The following PDE1A variants were observed in gnomAD, a reference collection of about 807,000 sequenced individuals.
The protein encoded by PDE1A is phosphodiesterase 1A.
Under a neutral mutation model 61.7 loss-of-function variants are expected in PDE1A, and 35 were observed. The observed-to-expected ratio is 0.57, with a 90% confidence interval of 0.43 to 0.75. PDE1A has a LOEUF of 0.75. Ranked by LOEUF, PDE1A falls within the 30% of genes least tolerant of loss-of-function variation. The pLI, the probability that PDE1A is intolerant of heterozygous loss-of-function variation, is 0.00. For synonymous variants in PDE1A, 232 were observed against 213.2 expected, an observed-to-expected ratio of 1.09 and a Z score of -0.77; for missense variants, 597 against 630.6, an observed-to-expected ratio of 0.95 and a Z score of 0.57.
At chr2:182,427,774 T>C (rs1248120435), upstream of PDE1A, among the ~76,000 whole-genome samples, 2 of 152,200 alleles carry the variant, frequency 1.3e-5, no homozygotes, top group East Asian at 1.9e-4. Context: ...CCTTCCTGTA[T>C]CTGAATCACT....
the PDE1A span, among the ~76,000 whole-genome samples, chr2:182,672,257 A>T: frequency 1.3e-5 from 2 of 152,204 alleles, no homozygotes; most frequent in African/African-American, 4.8e-5. Context: ...TATTACTATC[A>T]ATTTGTTAAT....
chr2:182,309,006 G>A (rs1327426744), intron 1 of PDE1A, among the ~76,000 whole-genome samples: 2 of 148,130 alleles, frequency 1.4e-5, no homozygotes, highest in Non-Finnish European at 3.0e-5. Context: ...GTAAGGTTAT[G>A]AAATAGCATT....
the PDE1A span, among the ~76,000 whole-genome samples, chr2:182,700,495 G>A: frequency 2.0e-5 from 3 of 151,800 alleles, no homozygotes; most frequent in African/African-American, 4.8e-5. Context: ...AGGCTGAGGC[G>A]GGTGGCTCAC....
At chr2:182,254,720 A>G (rs1191133699) in intron 2 of PDE1A, among the ~76,000 whole-genome samples, 1 of 152,156 alleles carries the variant, frequency 6.6e-6, no homozygotes, top group African/African-American at 2.4e-5. Context: ...TGAACTGCCA[A>G]TCAAGGGCTT....
At chr2:182,513,590 A>G (rs1055290699) in intron 2 of PDE1A, among the ~76,000 whole-genome samples, 1 of 152,224 alleles carries the variant, frequency 6.6e-6, no homozygotes, top group South Asian at 2.1e-4. Flanking sequence ...AAATCTTCAC[A>G]TATCGATGTT....
the PDE1A span, among the ~76,000 whole-genome samples, chr2:182,680,744 T>C: frequency 6.6e-6 from 1 of 152,184 alleles, no homozygotes; most frequent in Non-Finnish European, 1.5e-5. Flanking sequence ...TTTCTTGGCT[T>C]CACCCAGGAA....
At chr2:182,654,511 G>T in the PDE1A span, among the ~76,000 whole-genome samples, 1 of 152,100 alleles carries the variant, frequency 6.6e-6, no homozygotes, top group Non-Finnish European at 1.5e-5. Flanking sequence ...TTTAACTAGG[G>T]ATCATAGTAA....
At chr2:182,380,793 C>A (rs1436239564) in intron 1 of PDE1A, among the ~76,000 whole-genome samples, 2 of 152,124 alleles carry the variant, frequency 1.3e-5, no homozygotes, top group Non-Finnish European at 2.9e-5. Flanking sequence ...CTAGCAGAAT[C>A]CAGTTCACAA....
the PDE1A span, among the ~76,000 whole-genome samples, chr2:182,609,509 C>T: frequency 5.8e-4 from 88 of 152,344 alleles, no homozygotes; most frequent in African/African-American, 2.0e-3. Flanking sequence ...TGCAGCCTCA[C>T]TCCTGAAGCC....
At chr2:182,302,165 A>G (rs1695286700) in intron 1 of PDE1A, among the ~76,000 whole-genome samples, 1 of 152,208 alleles carries the variant, frequency 6.6e-6, no homozygotes. Context: ...TAACATTTCC[A>G]TACATGCCAG....
chr2:182,571,613 T>C, the PDE1A span, among the ~76,000 whole-genome samples: 6 of 152,174 alleles, frequency 3.9e-5, no homozygotes, highest in East Asian at 1.2e-3. Flanking sequence ...CACTTTCCTG[T>C]TATGTGAGAG....
At chr2:182,360,892 T>G (rs974793055) in intron 1 of PDE1A, among the ~76,000 whole-genome samples, 2 of 152,080 alleles carry the variant, frequency 1.3e-5, no homozygotes, top group African/African-American at 4.8e-5. Context: ...TTATGTCTAT[T>G]GGACAAATCA....
intron 13 of PDE1A, among the ~76,000 whole-genome samples, chr2:182,151,629 C>G (rs1690785558): frequency 6.6e-6 from 1 of 152,150 alleles, no homozygotes; most frequent in Non-Finnish European, 1.5e-5. Flanking sequence ...TCTCGCTTAC[C>G]TAATATTTTT....
intron 10 of PDE1A, among the ~76,000 whole-genome samples, chr2:182,199,419 AT>A (rs572140101): frequency 1.2e-3 from 180 of 151,796 alleles, no homozygotes; most frequent in African/African-American, 3.6e-3. Context: ...TTTATTACAC[AT>A]TTTTTTTCTA....
chr2:182,596,395 C>T, the PDE1A span, among the ~76,000 whole-genome samples: 8 of 152,280 alleles, frequency 5.3e-5, no homozygotes, highest in South Asian at 8.3e-4. Flanking sequence ...ATACCTTCCC[C>T]CAGGGAGGCT....
At position 182,512,303 on chromosome 2, in the gene PDE1A, C is replaced by A. The variant is rs533649639; in HGVS notation, c.101+9973G>T. On this transcript the variant is annotated intron_variant, in intron 2 of 14. Coordinates refer to the PDE1A transcript ENST00000410103. ...ACAAAGTCATGGGCCTGGTCCCAGG[C>A]CCCAGTATTAGAGCATGCAGCCCAG... 3.3e-5 allele frequency among the ~76,000 whole-genome samples: 5 copies of A among 152,286 alleles called. No homozygotes were observed. In the South Asian group the frequency reaches 8.3e-4, roughly 25 times the overall value.
rs139636362 is a variant in PDE1A at position 182,514,862 on chromosome 2, A to C, written c.101+7414T>G. 1.0e-2 allele frequency among the ~76,000 whole-genome samples: 1,516 copies of C among 152,314 alleles called. 20 individuals carry two copies. The highest frequency in any genetic ancestry group is 0.034 in the African/African-American group (1,425 of 41,572). ...GAGCTTCTGCACAGCAAAAGAAACT[A>C]TCAACAGAATCAACAGAAAGTTTAT... is the stretch of plus-strand genomic sequence containing the variant. On this transcript the variant is annotated intron_variant, in intron 2 of 14. Transcript: ENST00000410103.
chr2:182,516,328 T>C (rs67163218), intron 2 of PDE1A, among the ~76,000 whole-genome samples: 11,474 of 152,200 alleles, frequency 0.075, 487 homozygotes, highest in Middle Eastern at 0.11. Flanking sequence ...CTCCTACTTT[T>C]TCTTCTGCCT....
chr2:182,638,035 T>G, the PDE1A span, among the ~76,000 whole-genome samples: 16 of 152,274 alleles, frequency 1.1e-4, no homozygotes, highest in African/African-American at 3.8e-4. Flanking sequence ...CCTGGATAAA[T>G]TCTGAAGGAG....
Sources: gnomAD v4.1 joint callset for allele counts (sites outside exome capture counted in the v4.1 genomes callset) on GRCh38, gnomAD v4.1.1 for gene constraint, MANE v1.5 for transcripts, NCBI Gene and HGNC (gene_info 2026-07-23, HGNC 2026-07-21) for gene names.